The following UFM1 variants were observed in gnomAD, a reference collection of about 807,000 sequenced individuals.
UFM1 encodes ubiquitin fold modifier 1, also known as ubiquitin-fold modifier 1.
Under a neutral mutation model 15.4 loss-of-function variants are expected in UFM1, and 9 were observed. The observed-to-expected ratio is 0.59, with a 90% CI of 0.35 to 1.02. The LOEUF (loss-of-function observed/expected upper bound fraction) is 1.02. UFM1 is among the 50% of genes least tolerant of loss of function. The pLI is 0.02. For missense variants in UFM1, 98 were observed against 104.7 expected (o/e 0.94, Z 0.28); for synonymous variants, 27 against 36.3 (o/e 0.74, Z 0.92).
intron 2 of UFM1, among the ~76,000 whole-genome samples, chr13:38,350,891 A>C (rs1021740255): frequency 6.6e-6 from 1 of 152,162 alleles, no homozygotes; most frequent in Non-Finnish European, 1.5e-5. Context: ...TTCATCTCCA[A>C]AATATCCCTG....
intron 5 of UFM1, 46 bp from the exon 6 acceptor site, chr13:38,360,665 A>G: frequency 1.5e-6 from 2 of 1,378,260 alleles, no homozygotes; most frequent in Non-Finnish European, 2.0e-6. Flanking sequence ...TATTAAGATA[A>G]CTTGATTTTT....
chr13:38,360,572 G>C, intron 5 of UFM1, 139 bp from the exon 6 acceptor site: 1 of 565,334 alleles, frequency 1.8e-6, no homozygotes, highest in South Asian at 3.1e-5. Context: ...AAAAAGCTTG[G>C]AATTGGGGTC....
intron 5 of UFM1, 129 bp from the exon 6 acceptor site, chr13:38,360,582 C>A: frequency 1.6e-6 from 1 of 609,114 alleles, no homozygotes; most frequent in Non-Finnish European, 2.7e-6. Flanking sequence ...GAATTGGGGT[C>A]TCATGATGCT....
chr13:38,350,451 TAAGG>T (rs1429519079), intron 2 of UFM1, among the ~76,000 whole-genome samples: 1 of 152,216 alleles, frequency 6.6e-6, no homozygotes, highest in Non-Finnish European at 1.5e-5. Context: ...TTGAGGAAGT[TAAGG>T]AAGACATTCC....
At chr13:38,359,940 T>G (rs61947646) in intron 5 of UFM1, 11,805 of 228,606 alleles carry the variant, frequency 0.052, 406 homozygotes, top group Middle Eastern at 0.095. Context: ...AGTTTTAAAA[T>G]TAGGCATGCT....
intron 3 of UFM1, among the ~76,000 whole-genome samples, chr13:38,356,681 C>A (rs1879110886): frequency 8.1e-6 from 1 of 123,210 alleles, no homozygotes; most frequent in Non-Finnish European, 1.7e-5. Flanking sequence ...CAACTAGAAC[C>A]ACACACAAAT....
At position 38,362,284 on chromosome 13, in the gene UFM1, AAAAT is replaced by A. The variant is rs1471628353; in HGVS notation, c.*1509_*1512del. On this transcript the variant is annotated 3_prime_UTR_variant, in exon 6 of 6. Coordinates refer to ENST00000239878, the MANE Select transcript of UFM1 (RefSeq NM_016617.4). ...AGGCCCTAAGTTCATTGGGGGAAAA[AAAAT>A]AAGAAGATTCAACAGAATCAGCATT... The A allele has an allele frequency of 6.6e-6, 1 of 152,172 alleles. No individual in the cohort carries two copies. Among genetic ancestry groups the A allele is most frequent in the African/African-American group, 2.4e-5 (1 of 41,426 alleles). 9.4% of individuals were successfully genotyped at this position (152,172 alleles called of 1,614,324 possible).
At chr13:38,353,057 T>C (rs1026362305) in intron 2 of UFM1, among the ~76,000 whole-genome samples, 3 of 152,148 alleles carry the variant, frequency 2.0e-5, no homozygotes, top group African/African-American at 7.2e-5. Context: ...CCAAAAACAT[T>C]AGTAAAGAAA....
intron 3 of UFM1, among the ~76,000 whole-genome samples, chr13:38,357,121 A>T (rs1036766764): frequency 6.6e-6 from 1 of 151,958 alleles, no homozygotes; most frequent in Admixed American, 6.6e-5. Flanking sequence ...ATCTACACTT[A>T]ATTATTATTT....
intron 1 of UFM1, 34 bp from the exon 2 acceptor site, chr13:38,349,965 C>T (rs764270321): frequency 1.9e-6 from 3 of 1,613,898 alleles, no homozygotes; most frequent in African/African-American, 2.7e-5. Context: ...GGTCCAGCTG[C>T]CCGACCCTGA....
At position 38,360,974 on chromosome 13, in the gene UFM1, A is replaced by G. The variant is rs1644158669; in HGVS notation, c.*196A>G. 6.9e-6 allele frequency: 3 copies of G among 433,412 alleles called. No homozygotes were observed. The highest frequency in any genetic ancestry group is 4.1e-5 in the African/African-American group (2 of 49,186). The allele number at this position is 433,412 out of a possible 1,614,324, so 26.8% of individuals were successfully genotyped here. On this transcript the variant is annotated 3_prime_UTR_variant, in exon 6 of 6. Coordinates refer to ENST00000239878, the MANE Select transcript of UFM1 (RefSeq NM_016617.4). ...GGAATGCGTATGAATTAAGGCTACT[A>G]CTGTCACAGAAGATCATAGTCTTTG... is the stretch of plus-strand genomic sequence containing the variant.
intron 3 of UFM1, among the ~76,000 whole-genome samples, chr13:38,356,759 G>C (rs1019175104): frequency 1.1e-4 from 16 of 142,746 alleles, no homozygotes; most frequent in African/African-American, 4.1e-4. Flanking sequence ...AAAAATACGA[G>C]AAACACTTCA....
intron 2 of UFM1, 187 bp downstream of exon 2, chr13:38,350,242 G>A: frequency 6.3e-7 from 1 of 1,599,418 alleles, no homozygotes; most frequent in African/African-American, 1.3e-5. Flanking sequence ...GTACTTGCTC[G>A]CTAAGTGTCA....
chr13:38,350,355 AC>A, intron 2 of UFM1: 1 of 983,144 alleles, frequency 1.0e-6, no homozygotes, highest in Non-Finnish European at 1.5e-6. Context: ...GGACAGGTGG[AC>A]CAGGTTCTGG....
At chr13:38,359,867 C>T (rs965948671) in intron 5 of UFM1, 1 of 178,392 alleles carries the variant, frequency 5.6e-6, no homozygotes, top group African/African-American at 2.4e-5. Flanking sequence ...AAAAAGAAGT[C>T]TAAAACTTTT....
intron 2 of UFM1, 123 bp from the exon 3 acceptor site, chr13:38,354,116 C>T: frequency 1.3e-6 from 1 of 749,152 alleles, no homozygotes; most frequent in Admixed American, 2.6e-5. Flanking sequence ...ATCAAAATCA[C>T]TAACTTTGAA....
At position 38,359,312 on chromosome 13, in the gene UFM1, A is replaced by G. The variant is rs1049064104; in HGVS notation, c.169A>G (p.Ile57Val). The G allele has an allele frequency of 1.3e-5, 21 of 1,611,032 alleles. No individual in the cohort carries two copies. Among genetic ancestry groups the G allele is most frequent in the Non-Finnish European group, 1.7e-5 (20 of 1,178,084 alleles). ...SAIITNDGIG[I>V]NPAQTAGNVF... Reference sequence around the variant, plus strand: ...AACTTATTTTCTAGATGGAATAGGAATAAATCCTGCACAGACTGCTGGTGA... The same window carrying G: ...AACTTATTTTCTAGATGGAATAGGAGTAAATCCTGCACAGACTGCTGGTGA... The change falls in exon 5 of 6, where the codon ATA (isoleucine) becomes GTA (valine). Residue 57 changes from isoleucine to valine, a missense_variant. Transcript: ENST00000239878.
In UFM1 at chr13:38,349,851, A is replaced by G. The variant is rs1426034375; in HGVS notation, c.-69A>G. On this transcript the variant is annotated 5_prime_UTR_variant, in exon 1 of 6. Coordinates refer to ENST00000239878, the MANE Select transcript of UFM1 (RefSeq NM_016617.4). The stretch of plus-strand genomic sequence containing the variant: ...ACGTGAGTGGAGCGGGGCGGTCCCC[A>G]GCACACTAGAGGAAGTCGTGCTACC... 1.8e-5 allele frequency: 29 copies of G among 1,613,874 alleles called. No homozygotes were observed. The highest frequency in any genetic ancestry group is 1.3e-4 in the East Asian group (6 of 44,858).
rs1216406130 is a variant in UFM1, at chr13:38,363,596, A to G, written c.*2818A>G. 6.6e-6 allele frequency: 1 copy of G among 152,176 alleles called. No individual in the cohort carries two copies. Among genetic ancestry groups the G allele is most frequent in the Non-Finnish European group, 1.5e-5 (1 of 68,036 alleles). 9.4% of individuals were successfully genotyped at this position (152,176 alleles called of 1,614,324 possible). A position where few individuals can be genotyped will look rare whatever the true frequency, so the allele number is the denominator to read the frequency against. ...TGATAACAGAGTCGCCTAGGAAATTAAAAATACAGATTTTTGGAAACCACT... is the reference window on the plus strand; with the variant it reads ...TGATAACAGAGTCGCCTAGGAAATTGAAAATACAGATTTTTGGAAACCACT... On this transcript the variant is annotated 3_prime_UTR_variant, in exon 6 of 6. Coordinates refer to ENST00000239878, the MANE Select transcript of UFM1 (RefSeq NM_016617.4).
Sources: allele counts gnomAD v4.1 joint callset (sites outside exome capture counted in the v4.1 genomes callset), GRCh38; gene constraint gnomAD v4.1.1; transcripts MANE v1.5; gene names NCBI Gene and HGNC (gene_info 2026-07-23, HGNC 2026-07-21).